LIMCH1: variants seen among roughly 807,000 people sequenced by gnomAD.
LIMCH1 encodes the protein LIM and calponin homology domains-containing protein 1.
Under a neutral mutation model 176.5 loss-of-function variants are expected in LIMCH1, and 113 were observed. The observed-to-expected ratio is 0.64, with a 90% CI of 0.55 to 0.75. The LOEUF (loss-of-function observed/expected upper bound fraction) is 0.75. Ranked by LOEUF, LIMCH1 falls within the 30% of genes least tolerant of loss-of-function variation. The pLI is 0.00. For missense variants in LIMCH1, 1,674 were observed against 1,814.9 expected (o/e 0.92, Z 1.41); for synonymous variants, 619 against 645.9 (o/e 0.96, Z 0.63).
chr4:41,391,696 A>G (rs2057261088), intron 1 of LIMCH1, among the ~76,000 whole-genome samples: 1 of 152,148 alleles, frequency 6.6e-6, no homozygotes. Context: ...ACATTCTACA[A>G]AGTATCCAAC....
chr4:41,521,031 T>C (rs899695847), intron 2 of LIMCH1, among the ~76,000 whole-genome samples: 6 of 152,178 alleles, frequency 3.9e-5, no homozygotes, highest in African/African-American at 1.4e-4. Context: ...GGAACTTGGA[T>C]CCTATGTGTC....
At chr4:41,644,771 T>G in intron 15 of LIMCH1, 145 bp downstream of exon 15, 1 of 1,001,282 alleles carries the variant, frequency 1.0e-6, no homozygotes. Flanking sequence ...AATGTGGGAC[T>G]CAAAGGAAGG....
At chr4:41,427,783 T>C (rs930522306) in intron 1 of LIMCH1, among the ~76,000 whole-genome samples, 3 of 152,166 alleles carry the variant, frequency 2.0e-5, no homozygotes, top group Admixed American at 2.0e-4. Flanking sequence ...GTCTTCCTTC[T>C]TTAGATTGTA....
chr4:41,360,554 C>T, upstream of LIMCH1: 1 of 207,844 alleles, frequency 4.8e-6, no homozygotes, highest in Non-Finnish European at 9.5e-6. This position sits in a 1 kb window ranked among gnomAD's most constrained non-coding sequence, Gnocchi z 4.5. Flanking sequence ...TCCCCCTCCC[C>T]GGGGGCGGAG....
intron 1 of LIMCH1, among the ~76,000 whole-genome samples, chr4:41,374,145 G>T (rs2054382629): frequency 6.6e-6 from 1 of 152,128 alleles, no homozygotes; most frequent in Admixed American, 6.5e-5. Flanking sequence ...GCAAATGCAG[G>T]CTGTTGACCA....
intron 2 of LIMCH1, among the ~76,000 whole-genome samples, chr4:41,519,600 A>AT (rs143328098): frequency 9.2e-4 from 140 of 152,250 alleles, no homozygotes; most frequent in African/African-American, 3.3e-3. Flanking sequence ...TTTATGTGAG[A>AT]TTTTTATCTA....
intron 2 of LIMCH1, among the ~76,000 whole-genome samples, chr4:41,517,321 A>G (rs1421688896): frequency 6.6e-6 from 1 of 152,188 alleles, no homozygotes; most frequent in Non-Finnish European, 1.5e-5. Context: ...AGGCTGGGCA[A>G]TAAAGTCCAG....
rs1318953200 is a variant in LIMCH1 at position 41,360,942 on chromosome 4, T to TGCGGGTGGCTG, written c.96+12_96+22dup. 20 of 1,564,450 alleles carry TGCGGGTGGCTG rather than the reference T, an allele frequency of 1.3e-5. No homozygotes were observed. The highest frequency in any genetic ancestry group is 1.6e-5 in the Non-Finnish European group (19 of 1,158,142). ...AGGCGCAGAAGTGGATTGAGGTAGG[T>TGCGGGTGGCTG]GCGGGTGGCTGGCGGGCGGCCTTGC... On this transcript the variant is annotated splice_region_variant and intron_variant, in intron 1 of 26. Transcript: ENST00000313860. This position sits in a 1 kb window ranked among gnomAD's most constrained non-coding sequence, Gnocchi z 4.5.
At chr4:41,632,643 G>A (rs2093384977) in intron 10 of LIMCH1, 106 bp from the exon 11 acceptor site, 1 of 864,510 alleles carries the variant, frequency 1.2e-6, no homozygotes, top group South Asian at 1.5e-5. Flanking sequence ...AATGAGAGCA[G>A]CCACATTCTT....
chr4:41,551,729 C>T (rs2080460227), intron 1 of LIMCH1, among the ~76,000 whole-genome samples: 1 of 152,110 alleles, frequency 6.6e-6, no homozygotes, highest in South Asian at 2.1e-4. Flanking sequence ...TGTCTATAAA[C>T]ATAGTTTTAT....
At chr4:41,523,948 A>C (rs1467700326) in intron 2 of LIMCH1, among the ~76,000 whole-genome samples, 1 of 152,230 alleles carries the variant, frequency 6.6e-6, no homozygotes, top group Non-Finnish European at 1.5e-5. Flanking sequence ...CTCAAAGAGC[A>C]AGTAGGGTCT....
intron 29 of LIMCH1, among the ~76,000 whole-genome samples, 171 bp from the exon 30 acceptor site, chr4:41,689,356 T>C (rs1560398143): frequency 6.6e-6 from 1 of 152,224 alleles, no homozygotes; most frequent in Non-Finnish European, 1.5e-5. Flanking sequence ...TTGCCATTTA[T>C]ATCTAATGTT....
chr4:41,421,461 A>G (rs1019507727), intron 1 of LIMCH1, among the ~76,000 whole-genome samples: 1 of 152,206 alleles, frequency 6.6e-6, no homozygotes. Flanking sequence ...TGATTTTAAA[A>G]CATAAACTCA....
At chr4:41,672,839 G>A (rs1248312131) in intron 22 of LIMCH1, among the ~76,000 whole-genome samples, 1 of 152,114 alleles carries the variant, frequency 6.6e-6, no homozygotes, top group Non-Finnish European at 1.5e-5. Context: ...TTTGATTCTG[G>A]ATTTAGCTGT....
chr4:41,361,306 G>GC (rs1304854348), intron 1 of LIMCH1, among the ~76,000 whole-genome samples: 3 of 152,228 alleles, frequency 2.0e-5, no homozygotes, highest in African/African-American at 7.2e-5. Context: ...GGAAGCGCGA[G>GC]CCCCCAGAGA....
chr4:41,602,124 CAAAAAAAAAAAA>C (rs540240960), intron 2 of LIMCH1, among the ~76,000 whole-genome samples: 100 of 73,292 alleles, frequency 1.4e-3, no homozygotes, highest in African/African-American at 2.0e-3. Context: ...TTGAGTAGAC[CAAAAAAAAAAAA>C]AAAAAAAAAA....
In LIMCH1 at chr4:41,501,952, A is replaced by G. The variant is rs935618271; in HGVS notation, c.167+7346A>G. ...TGTGCAGGATATGCAGGTTTGTTAC[A>G]TAGGTAAATGTGTGCCATGGTGGTT... On this transcript the variant is annotated intron_variant, in intron 2 of 26. Transcript: ENST00000313860. 3.5e-5 allele frequency among the ~76,000 whole-genome samples: 5 copies of G among 141,890 alleles called. No individual in the cohort carries two copies. In the South Asian group the frequency reaches 8.8e-4, roughly 25 times the overall value. The allele number at this position is 141,890 out of a possible 152,430, so 93.1% of individuals were successfully genotyped here.
intron 1 of LIMCH1, among the ~76,000 whole-genome samples, chr4:41,488,415 A>AAAGC (rs2070114991): frequency 6.6e-6 from 1 of 152,168 alleles, no homozygotes; most frequent in Non-Finnish European, 1.5e-5. Flanking sequence ...ATCTTTCTTA[A>AAAGC]TTTCTTTATT....
intron 1 of LIMCH1, among the ~76,000 whole-genome samples, chr4:41,383,789 G>A (rs1442545672): frequency 6.6e-6 from 1 of 152,060 alleles, no homozygotes; most frequent in African/African-American, 2.4e-5. Flanking sequence ...AGGTGATTCT[G>A]GTGTGTGACC....
Sources: allele counts gnomAD v4.1 joint callset (sites outside exome capture counted in the v4.1 genomes callset), GRCh38; gene constraint gnomAD v4.1.1; non-coding constraint Gnocchi (gnomAD v3.1); transcripts MANE v1.5; gene names NCBI Gene and HGNC (gene_info 2026-07-23, HGNC 2026-07-21).